AJAP1: variants seen among roughly 807,000 people sequenced by gnomAD.
The protein encoded by AJAP1 is adherens junction-associated protein 1.
AJAP1 carries 5 observed loss-of-function variants against 35.0 expected under a neutral mutation model. The observed-to-expected ratio is 0.14, with a 90% confidence interval of 0.07 to 0.30. The LOEUF is 0.30. Ranked by LOEUF, AJAP1 falls within the 10% of genes least tolerant of loss-of-function variation. The pLI, the probability that AJAP1 is intolerant of heterozygous loss-of-function variation, is 1.00. For synonymous variants in AJAP1, 284 were observed against 249.3 expected, an observed-to-expected ratio of 1.14 and a Z score of -1.31; for missense variants, 586 against 571.0, an observed-to-expected ratio of 1.03 and a Z score of -0.27.
chr1:4,760,371 GTGTA>G (rs1435559588), intron 2 of AJAP1, among the ~76,000 whole-genome samples: 3 of 152,126 alleles, frequency 2.0e-5, no homozygotes, highest in East Asian at 1.9e-4. Flanking sequence ...GTGCATGTGT[GTGTA>G]TGTGAGTGTG....
chr1:4,718,080 T>C (rs1173470562), intron 2 of AJAP1, among the ~76,000 whole-genome samples: 3 of 151,928 alleles, frequency 2.0e-5, no homozygotes, highest in African/African-American at 2.4e-5. Context: ...GTCTTTAGGG[T>C]CTTAACTGGG....
intron 1 of AJAP1, among the ~76,000 whole-genome samples, chr1:4,663,848 T>C (rs551567255): frequency 1.3e-5 from 2 of 152,268 alleles, no homozygotes; most frequent in South Asian, 4.2e-4. Flanking sequence ...CTGTTTGCCG[T>C]GTCTGCATAG....
At position 4,774,414 on chromosome 1, in the gene AJAP1, C is replaced by T; in HGVS notation, c.1164-13C>T. 6.2e-7 allele frequency: 1 copy of T among 1,614,072 alleles called. No individual in the cohort carries two copies. The highest frequency in any genetic ancestry group is 8.5e-7 in the Non-Finnish European group (1 of 1,179,916). The stretch of plus-strand genomic sequence containing the variant: ...TACCAGCACGCCAAAGCCCATTTTT[C>T]TGTTCACCGCAGACCCTCCTCTTCT... On this transcript the variant is annotated splice_polypyrimidine_tract_variant and intron_variant, in intron 4 of 5. Coordinates refer to ENST00000378191, the MANE Select transcript of AJAP1 (RefSeq NM_018836.4).
chr1:4,744,195 G>A (rs1641134936), intron 2 of AJAP1, among the ~76,000 whole-genome samples: 1 of 152,208 alleles, frequency 6.6e-6, no homozygotes, highest in Non-Finnish European at 1.5e-5. Flanking sequence ...CCCAGAAGGA[G>A]CCTTGGCCAC....
intron 1 of AJAP1, among the ~76,000 whole-genome samples, chr1:4,685,386 G>C (rs1451911278): frequency 1.3e-5 from 2 of 152,180 alleles, no homozygotes; most frequent in Non-Finnish European, 2.9e-5. Context: ...GCCTCCCTTT[G>C]ATGGAACAAG....
At chr1:4,664,358 C>G (rs965649795) in intron 1 of AJAP1, among the ~76,000 whole-genome samples, 5 of 152,184 alleles carry the variant, frequency 3.3e-5, no homozygotes, top group Admixed American at 6.5e-5. Flanking sequence ...TGCCTGGCAC[C>G]GCACAGAACA....
At chr1:4,763,195 G>A (rs1462997961) in intron 2 of AJAP1, among the ~76,000 whole-genome samples, 1 of 152,186 alleles carries the variant, frequency 6.6e-6, no homozygotes, top group Admixed American at 6.5e-5. Flanking sequence ...ACCCACAGCT[G>A]TGACCACCCA....
chr1:4,755,078 C>T (rs557378546), intron 2 of AJAP1, among the ~76,000 whole-genome samples: 3 of 152,156 alleles, frequency 2.0e-5, no homozygotes, highest in South Asian at 4.1e-4. Context: ...CCCATGGAGC[C>T]GTGGTTGGGT....
rs765357051 is a variant in AJAP1, at chr1:4,712,124, G to A, written c.254G>A (p.Arg85Gln). ...CCGGTGTGGAGCCCCCGGCCGCCCC[G>A]AGTGGAGCGGATCCACGGGCAGATG... Reference protein sequence around the residue: ...PAPVWSPRPPRVERIHGQMQM... With the variant: ...PAPVWSPRPPQVERIHGQMQM... Residue 85 changes from arginine (R) to glutamine (Q), a missense_variant, in exon 2 of 6, where the codon CGA becomes CAA. Physicochemically the swap from Arg to Gln is conservative, Grantham distance 43 (BLOSUM62 1). Transcript: ENST00000378191. 10 of 1,545,576 alleles carry A rather than the reference G, an allele frequency of 6.5e-6. No individual in the cohort carries two copies. The highest frequency in any genetic ancestry group is 1.4e-5 in the African/African-American group (1 of 71,894).
At position 4,692,836 on chromosome 1, in the gene AJAP1, G is replaced by C. The variant is rs150066482; in HGVS notation, c.30-19064G>C. On this transcript the variant is annotated intron_variant, in intron 1 of 5. Coordinates refer to ENST00000378191, the MANE Select transcript of AJAP1 (RefSeq NM_018836.4). The surrounding 1 kb of genome is among the most constrained non-coding windows in gnomAD (Gnocchi z 4.4). ...TGGGTTCCTCTGTCTGTTGGCCCAC[G>C]AACAGGCATTAAGTGCACATTTTTC... 6.6e-6 allele frequency among the ~76,000 whole-genome samples: 1 copy of C among 152,170 alleles called. No homozygotes were observed. Among genetic ancestry groups the C allele is most frequent in the African/African-American group, 2.4e-5 (1 of 41,438 alleles).
intron 1 of AJAP1, among the ~76,000 whole-genome samples, chr1:4,673,582 T>A (rs971437296): frequency 6.6e-6 from 1 of 152,132 alleles, no homozygotes; most frequent in Non-Finnish European, 1.5e-5. Flanking sequence ...CTCCACTGAC[T>A]CATTCCTTCC....
intron 1 of AJAP1, among the ~76,000 whole-genome samples, chr1:4,697,075 T>G (rs1639880120): frequency 6.6e-6 from 1 of 152,220 alleles, no homozygotes. Context: ...TGTGCATGTG[T>G]GTCTATGTGC....
intron 1 of AJAP1, among the ~76,000 whole-genome samples, chr1:4,672,717 T>C (rs1639276327): frequency 6.6e-6 from 1 of 152,164 alleles, no homozygotes; most frequent in African/African-American, 2.4e-5. Context: ...GCAGATTCCA[T>C]CCCTGTCCCC....
At chr1:4,733,604 T>A (rs1640851264) in intron 2 of AJAP1, among the ~76,000 whole-genome samples, 3 of 151,534 alleles carry the variant, frequency 2.0e-5, no homozygotes, top group Non-Finnish European at 2.9e-5. Flanking sequence ...AGGCCCGCCC[T>A]CCTTGTTCTG....
At chr1:4,729,824 T>G (rs1640757876) in intron 2 of AJAP1, among the ~76,000 whole-genome samples, 2 of 152,224 alleles carry the variant, frequency 1.3e-5, no homozygotes, top group Admixed American at 6.5e-5. Flanking sequence ...CACTTGTTGT[T>G]GGATTTAGGG....
intron 2 of AJAP1, among the ~76,000 whole-genome samples, chr1:4,714,125 C>T (rs1640334322): frequency 6.6e-6 from 1 of 152,262 alleles, no homozygotes; most frequent in Non-Finnish European, 1.5e-5. Context: ...TTCTGAGCTC[C>T]TCTTCCCTAG....
intron 1 of AJAP1, among the ~76,000 whole-genome samples, chr1:4,673,583 C>T (rs1639293054): frequency 6.6e-6 from 1 of 152,186 alleles, no homozygotes; most frequent in African/African-American, 2.4e-5. Flanking sequence ...TCCACTGACT[C>T]ATTCCTTCCT....
chr1:4,754,075 C>T (rs1468386041), intron 2 of AJAP1, among the ~76,000 whole-genome samples: 1 of 152,108 alleles, frequency 6.6e-6, no homozygotes, highest in East Asian at 1.9e-4. Context: ...AGACATTGAC[C>T]AGCTATAGTC....
chr1:4,739,502 A>G (rs549948509), intron 2 of AJAP1, among the ~76,000 whole-genome samples: 5 of 152,198 alleles, frequency 3.3e-5, no homozygotes, highest in African/African-American at 1.2e-4. Context: ...TAAGTCAAAA[A>G]GTTAATTTGA....
Sources: allele counts gnomAD v4.1 joint callset (sites outside exome capture counted in the v4.1 genomes callset), GRCh38; gene constraint gnomAD v4.1.1; non-coding constraint Gnocchi (gnomAD v3.1); transcripts MANE v1.5; gene names NCBI Gene and HGNC (gene_info 2026-07-23, HGNC 2026-07-21).